Variants in NRBF2 observed in about 807,000 individuals in gnomAD.
NRBF2 encodes nuclear receptor-binding factor 2.
In NRBF2, 12 loss-of-function variants were observed where a neutral mutation model predicts 28.5. That is an observed-to-expected ratio of 0.42 (90% CI 0.27 to 0.68). NRBF2 has a LOEUF of 0.68. NRBF2 is among the 30% of genes least tolerant of loss of function. The pLI, the probability that NRBF2 is intolerant of heterozygous loss-of-function variation, is 0.24. For missense variants in NRBF2, 274 were observed against 333.5 expected, an observed-to-expected ratio of 0.82 and a Z score of 1.39; for synonymous variants, 102 against 116.5, an observed-to-expected ratio of 0.88 and a Z score of 0.80.
chr10:63,152,240 T>G (rs372986271), intron 3 of NRBF2, 50 bp downstream of exon 3: 390 of 1,421,758 alleles, frequency 2.7e-4, no homozygotes, highest in Non-Finnish European at 3.5e-4. Context: ...GGTTTTCTTG[T>G]GGAGGCTTGA....
chr10:63,146,351 A>G, intron 2 of NRBF2, 58 bp downstream of exon 2: 1 of 1,196,882 alleles, frequency 8.4e-7, no homozygotes, highest in South Asian at 1.3e-5. Context: ...TCACAATAGT[A>G]ATAATGTGTG....
At chr10:63,149,681 C>G (rs1841616024) in intron 2 of NRBF2, among the ~76,000 whole-genome samples, 1 of 152,112 alleles carries the variant, frequency 6.6e-6, no homozygotes. Context: ...CAGTATGATT[C>G]TTGTTGAATT....
intron 2 of NRBF2, among the ~76,000 whole-genome samples, chr10:63,148,621 T>TA (rs1030869803): frequency 6.6e-6 from 1 of 152,206 alleles, no homozygotes; most frequent in African/African-American, 2.4e-5. Context: ...ATTCTGAGAC[T>TA]AAAAAACTTA....
At chr10:63,151,686 T>C (rs1448271138) in intron 2 of NRBF2, among the ~76,000 whole-genome samples, 1 of 152,222 alleles carries the variant, frequency 6.6e-6, no homozygotes, top group East Asian at 1.9e-4. Flanking sequence ...TTCTTAGGGC[T>C]TTTAACCATA....
chr10:63,140,177 A>T (rs917450165), intron 1 of NRBF2, among the ~76,000 whole-genome samples: 1 of 152,146 alleles, frequency 6.6e-6, no homozygotes, highest in African/African-American at 2.4e-5. Context: ...AAGAGAAAAT[A>T]TAGTTCTATA....
chr10:63,154,179 G>A lies in NRBF2; in HGVS notation c.825G>A (p.Glu275=). The A allele has an allele frequency of 6.2e-7, 1 of 1,606,048 alleles. No individual in the cohort carries two copies. The highest frequency in any genetic ancestry group is 1.7e-5 in the Admixed American group (1 of 59,328). Residue 275 remains glutamate, a synonymous_variant, in exon 4 of 4, where the codon GAG becomes GAA. Transcript: ENST00000277746. ...CATCTCCAGAACTTCCTCTTATGGAGCTCTCTGAGGATATTCTGAAAGGAT... is the reference window on the plus strand; with the variant it reads ...CATCTCCAGAACTTCCTCTTATGGAACTCTCTGAGGATATTCTGAAAGGAT... The part of the protein sequence containing the change: ...DFPSPELPLM[E]LSEDILKGFM...
intron 1 of NRBF2, among the ~76,000 whole-genome samples, chr10:63,137,283 T>G (rs1215051347): frequency 6.6e-6 from 1 of 152,254 alleles, no homozygotes; most frequent in Non-Finnish European, 1.5e-5. Context: ...CCTGTCAGTT[T>G]TAAATATGGA....
At chr10:63,145,806 T>C (rs1394731299) in intron 1 of NRBF2, among the ~76,000 whole-genome samples, 1 of 152,256 alleles carries the variant, frequency 6.6e-6, no homozygotes, top group Non-Finnish European at 1.5e-5. Context: ...GATTATAGTT[T>C]TTAGACTATA....
At chr10:63,145,333 CAA>C (rs1841542411) in intron 1 of NRBF2, among the ~76,000 whole-genome samples, 1 of 151,966 alleles carries the variant, frequency 6.6e-6, no homozygotes, top group Admixed American at 6.6e-5. Context: ...CTCGGCCTCC[CAA>C]AGTGTTGGGA....
chr10:63,153,415 T>C (rs1841679229), intron 3 of NRBF2, 96 bp from the exon 4 acceptor site: 2 of 912,912 alleles, frequency 2.2e-6, no homozygotes, highest in Non-Finnish European at 3.3e-6. Flanking sequence ...ATTGTAAGTG[T>C]TGGGTTATTC....
At chr10:63,136,279 G>GCACC (rs543015023) in intron 1 of NRBF2, among the ~76,000 whole-genome samples, 74 of 152,110 alleles carry the variant, frequency 4.9e-4, no homozygotes, top group Non-Finnish European at 9.4e-4. Flanking sequence ...TTACAGGCAT[G>GCACC]CACCACCCTG....
chr10:63,141,311 CTG>C (rs1230672506), intron 1 of NRBF2, among the ~76,000 whole-genome samples: 2 of 152,246 alleles, frequency 1.3e-5, no homozygotes, highest in East Asian at 3.9e-4. Context: ...TGCCGTGTGA[CTG>C]TATTTCCAGC....
intron 2 of NRBF2, among the ~76,000 whole-genome samples, 189 bp from the exon 3 acceptor site, chr10:63,151,961 A>G (rs969059945): frequency 6.6e-6 from 1 of 152,322 alleles, no homozygotes; most frequent in Non-Finnish European, 1.5e-5. Context: ...TAGGGTAGGG[A>G]ATATTTTCAT....
chr10:63,153,991 A>G lies in NRBF2; in HGVS notation c.637A>G (p.Lys213Glu), dbSNP rs201690731. Residue 213 changes from lysine to glutamate, a missense_variant, in exon 4 of 4, where the codon AAG (lysine) becomes GAG (glutamate). By Grantham distance (56) the Lys-to-Glu change is moderately conservative (BLOSUM62 1). Coordinates refer to ENST00000277746, the MANE Select transcript of NRBF2 (RefSeq NM_030759.5). Reference protein sequence around the residue: ...KARLLKGPIEKELDVDADFVE... With the variant: ...KARLLKGPIEEELDVDADFVE... ...CAGACTTCTAAAAGGTCCAATAGAA[A>G]AGGAGCTGGATGTAGATGCTGATTT... 58 of 1,611,534 alleles carry G rather than the reference A, an allele frequency of 3.6e-5. No homozygotes were observed. The South Asian group carries it at 6.2e-4, about 17-fold the overall frequency.
At chr10:63,143,191 A>T (rs1218963887) in intron 1 of NRBF2, among the ~76,000 whole-genome samples, 1 of 152,192 alleles carries the variant, frequency 6.6e-6, no homozygotes, top group Non-Finnish European at 1.5e-5. Context: ...CTGTAATTGA[A>T]AGGCACGAAT....
In NRBF2 at chr10:63,154,192, A is replaced by G; in HGVS notation, c.838A>G (p.Ile280Val). ...ELPLMELSED[I>V]LKGFMNN ...TCCTCTTATGGAGCTCTCTGAGGAT[A>G]TTCTGAAAGGATTTATGAATAATTA... The change falls in exon 4 of 4, where the codon ATT (isoleucine) becomes GTT (valine). Residue 280 changes from isoleucine (I) to valine (V), a missense_variant. Ile to Val is a conservative substitution (Grantham distance 29, BLOSUM62 3). Coordinates refer to ENST00000277746, the MANE Select transcript of NRBF2 (RefSeq NM_030759.5). 1 of 1,594,236 alleles carries G rather than the reference A, an allele frequency of 6.3e-7. No individual in the cohort carries two copies. The highest frequency in any genetic ancestry group is 8.6e-7 in the Non-Finnish European group (1 of 1,166,260).
rs192308732 is a variant in NRBF2, at chr10:63,138,932, C to G, written c.30+5432C>G. On this transcript the variant is annotated intron_variant, in intron 1 of 3. Transcript: ENST00000277746. ...TGAGGTTTCTCTTTCAACTGAAGAC[C>G]CTACCATAAGGTCAGGTGTATGTTA... Among the ~76,000 whole-genome samples the G allele has an allele frequency of 1.9e-3, 293 of 152,132 alleles. 1 individual carries two copies. Among genetic ancestry groups the G allele is most frequent in the African/African-American group, 6.9e-3 (286 of 41,508 alleles).
intron 1 of NRBF2, 54 bp downstream of exon 1, chr10:63,133,554 C>T: frequency 4.4e-6 from 6 of 1,354,664 alleles, no homozygotes; most frequent in South Asian, 3.5e-5. Flanking sequence ...CCTCAGGAGC[C>T]CGGCCCCGTC....
chr10:63,136,700 A>G (rs899392997), intron 1 of NRBF2, among the ~76,000 whole-genome samples: 4 of 152,208 alleles, frequency 2.6e-5, no homozygotes, highest in Admixed American at 2.6e-4. Flanking sequence ...CAATGCTGCC[A>G]TATTGTACTC....
Sources: allele counts gnomAD v4.1 joint callset (sites outside exome capture counted in the v4.1 genomes callset), GRCh38; gene constraint gnomAD v4.1.1; transcripts MANE v1.5; gene names NCBI Gene and HGNC (gene_info 2026-07-23, HGNC 2026-07-21).